Variants in DNAH14 observed in about 807,000 individuals in gnomAD.
DNAH14 encodes the protein dynein axonemal heavy chain 14.
DNAH14 carries 478 observed loss-of-function variants against 520.9 expected under a neutral mutation model. The observed-to-expected ratio is 0.92, with a 90% CI of 0.85 to 0.99. The LOEUF is 0.99. Ranked by LOEUF, DNAH14 falls within the 50% of genes least tolerant of loss-of-function variation. The pLI, the probability that DNAH14 is intolerant of heterozygous loss-of-function variation, is 0.00. For synonymous variants in DNAH14, 1,581 were observed against 1,757.2 expected, an observed-to-expected ratio of 0.90 and a Z score of 2.51; for missense variants, 4,831 against 5,234.5, an observed-to-expected ratio of 0.92 and a Z score of 2.38.
At chr1:225,388,828 G>A (rs1025162822) in intron 82 of DNAH14, among the ~76,000 whole-genome samples, 3 of 151,976 alleles carry the variant, frequency 2.0e-5, no homozygotes, top group African/African-American at 7.3e-5. Context: ...CCAGGCTGGA[G>A]TGCAGTGGCA....
chr1:224,932,641 T>A (rs1220512801), intron 1 of DNAH14, among the ~76,000 whole-genome samples: 1 of 152,196 alleles, frequency 6.6e-6, no homozygotes, highest in Non-Finnish European at 1.5e-5. Context: ...TTCATTCTTC[T>A]GCATGTGGCT....
At chr1:225,201,427 T>C (rs960209336) in intron 38 of DNAH14, among the ~76,000 whole-genome samples, 1 of 152,146 alleles carries the variant, frequency 6.6e-6, no homozygotes, top group Non-Finnish European at 1.5e-5. Context: ...TTTTGGGGGC[T>C]GCTAAAGAAC....
chr1:225,310,050 TA>T (rs1337178088), intron 60 of DNAH14, among the ~76,000 whole-genome samples: 2 of 150,236 alleles, frequency 1.3e-5, no homozygotes, highest in African/African-American at 4.9e-5. Flanking sequence ...TAAATAAAAA[TA>T]AAAAAAGAAA....
At chr1:225,133,789 G>A (rs2078683583) in intron 27 of DNAH14, among the ~76,000 whole-genome samples, 2 of 152,106 alleles carry the variant, frequency 1.3e-5, no homozygotes, top group African/African-American at 4.8e-5. Context: ...AATGGGAATA[G>A]CATTGAATCT....
intron 15 of DNAH14, among the ~76,000 whole-genome samples, chr1:225,048,931 T>G (rs780684708): frequency 7.2e-5 from 11 of 152,154 alleles, no homozygotes; most frequent in Non-Finnish European, 1.3e-4. Context: ...TGTAGTGATA[T>G]CTTATTGTGG....
rs111738913 is a variant in DNAH14, at chr1:225,178,195, T to G, written c.5536-7096T>G. On this transcript the variant is annotated intron_variant, in intron 36 of 85. Transcript: ENST00000682510. ...CCTTTGTTTTGGCCAATGTCTCCATTTGGAATGGCTATGTATTAGTCTGTT... is the reference window on the plus strand; with the variant it reads ...CCTTTGTTTTGGCCAATGTCTCCATGTGGAATGGCTATGTATTAGTCTGTT... 3.9e-3 allele frequency among the ~76,000 whole-genome samples: 590 copies of G among 152,222 alleles called. 5 individuals are homozygous for G. The highest frequency in any genetic ancestry group is 0.013 in the African/African-American group (558 of 41,540).
At chr1:224,956,518 G>A (rs2060523697) in intron 3 of DNAH14, among the ~76,000 whole-genome samples, 1 of 152,074 alleles carries the variant, frequency 6.6e-6, no homozygotes, top group African/African-American at 2.4e-5. Context: ...ATTCCATATA[G>A]CCTTGGTGTG....
chr1:225,127,590 G>A (rs2077882343), intron 27 of DNAH14, among the ~76,000 whole-genome samples: 1 of 151,760 alleles, frequency 6.6e-6, no homozygotes, highest in Non-Finnish European at 1.5e-5. Context: ...TTTATTTTGA[G>A]CCTATGTGTG....
chr1:225,393,264 A>C (rs1470410691), intron 84 of DNAH14, among the ~76,000 whole-genome samples: 3 of 152,224 alleles, frequency 2.0e-5, no homozygotes, highest in Non-Finnish European at 4.4e-5. Flanking sequence ...TAAATAAATA[A>C]GTACAATCAT....
intron 77 of DNAH14, among the ~76,000 whole-genome samples, chr1:225,368,997 TA>T (rs1169791881): frequency 2.2e-4 from 33 of 152,264 alleles, no homozygotes; most frequent in African/African-American, 7.2e-4. Context: ...GATAATATAT[TA>T]GGGGGAAATA....
At position 225,367,851 on chromosome 1, in the gene DNAH14, C is replaced by T; in HGVS notation, c.12137C>T (p.Thr4046Ile). 2 of 1,551,464 alleles carry T rather than the reference C, an allele frequency of 1.3e-6. No individual in the cohort carries two copies. The highest frequency in any genetic ancestry group is 1.7e-6 in the Non-Finnish European group (2 of 1,146,846). ...PQGLKSNLLQ[T>I]FGCTGSGEVT... Reference sequence around the variant, plus strand: ...GGATTGAAAAGTAACTTACTTCAGACATTTGGATGTACTGGGAGTGGAGAG... The same window carrying T: ...GGATTGAAAAGTAACTTACTTCAGATATTTGGATGTACTGGGAGTGGAGAG... Residue 4046 changes from threonine to isoleucine, a missense_variant, in exon 77 of 86, where the codon ACA becomes ATA. Physicochemically the swap from Thr to Ile is moderately conservative, Grantham distance 89. Transcript: ENST00000682510.
intron 52 of DNAH14, among the ~76,000 whole-genome samples, chr1:225,274,194 G>GTTTTGTTTTT: frequency 1.7e-5 from 2 of 120,330 alleles, no homozygotes; most frequent in East Asian, 5.5e-4. Flanking sequence ...ACCAGCATCT[G>GTTTTGTTTTT]TTATTTTTTT....
chr1:225,350,429 A>G (rs968129165), intron 71 of DNAH14, among the ~76,000 whole-genome samples: 1 of 152,094 alleles, frequency 6.6e-6, no homozygotes, highest in African/African-American at 2.4e-5. Context: ...AGTGATAAAC[A>G]AAATAGAGAA....
intron 37 of DNAH14, among the ~76,000 whole-genome samples, chr1:225,192,435 C>T (rs1041660403): frequency 7.9e-5 from 12 of 152,134 alleles, no homozygotes; most frequent in African/African-American, 2.6e-4. Context: ...ATACTGTGTT[C>T]CTGGATTAGG....
intron 82 of DNAH14, 90 bp from the exon 83 acceptor site, chr1:225,389,644 G>C: frequency 7.1e-7 from 1 of 1,403,302 alleles, no homozygotes; most frequent in Non-Finnish European, 9.6e-7. Flanking sequence ...AAAAGTAAAA[G>C]AAGGGCCCTG....
chr1:225,028,104 G>A (rs972618048), intron 11 of DNAH14, among the ~76,000 whole-genome samples: 6 of 152,022 alleles, frequency 3.9e-5, no homozygotes, highest in Admixed American at 3.9e-4. Context: ...TTCTTGTGAT[G>A]TGTTTGTCTG....
chr1:225,291,374 T>C (rs1330821758), intron 55 of DNAH14, among the ~76,000 whole-genome samples: 1 of 152,114 alleles, frequency 6.6e-6, no homozygotes, highest in Non-Finnish European at 1.5e-5. Flanking sequence ...TTTGGATAAA[T>C]GCCCAGAAGT....
At chr1:225,323,104 G>C (rs187611521) in intron 62 of DNAH14, among the ~76,000 whole-genome samples, 121 of 152,302 alleles carry the variant, frequency 7.9e-4, no homozygotes, top group African/African-American at 2.7e-3. Flanking sequence ...AGATGGACCT[G>C]TGGGCATGTG....
intron 38 of DNAH14, among the ~76,000 whole-genome samples, chr1:225,195,166 C>T (rs1202122963): frequency 6.6e-6 from 1 of 151,856 alleles, no homozygotes; most frequent in African/African-American, 2.4e-5. Context: ...GCATATATGC[C>T]CAAATTAACA....
Sources: gnomAD v4.1 joint callset for allele counts (sites outside exome capture counted in the v4.1 genomes callset) on GRCh38, gnomAD v4.1.1 for gene constraint, MANE v1.5 for transcripts, NCBI Gene and HGNC (gene_info 2026-07-23, HGNC 2026-07-21) for gene names.